SEPSECS: variants seen among roughly 807,000 people sequenced by gnomAD.
SEPSECS encodes the protein O-phosphoseryl-tRNA(Sec) selenium transferase.
A neutral mutation model predicts 52.1 loss-of-function variants in SEPSECS; 42 were observed. The ratio of observed to expected loss-of-function variants is 0.81; its 90% CI spans 0.63 to 1.04. The LOEUF is 1.04. Ranked by LOEUF, SEPSECS falls within the 50% of genes least tolerant of loss-of-function variation. The probability of loss-of-function intolerance (pLI) is 0.00; values close to 1 mark genes in which losing one functional copy is unlikely to be tolerated. For missense variants in SEPSECS, 590 were observed against 610.6 expected (o/e 0.97, Z 0.36); for synonymous variants, 216 against 211.4 (o/e 1.02, Z -0.19).
At chr4:25,129,668 C>T (rs549500409) in intron 8 of SEPSECS, among the ~76,000 whole-genome samples, 3 of 152,008 alleles carry the variant, frequency 2.0e-5, no homozygotes, top group South Asian at 4.2e-4. Flanking sequence ...TGGGATTACA[C>T]CTGGCCCTGG....
At chr4:25,148,507 A>C (rs982323217) in intron 6 of SEPSECS, among the ~76,000 whole-genome samples, 1 of 152,232 alleles carries the variant, frequency 6.6e-6, no homozygotes, top group Admixed American at 6.5e-5. Flanking sequence ...GCACTCAACA[A>C]GACTCAAGTA....
At chr4:25,157,706 G>A (rs1365743393) in intron 2 of SEPSECS, among the ~76,000 whole-genome samples, 4 of 151,796 alleles carry the variant, frequency 2.6e-5, no homozygotes, top group Non-Finnish European at 5.9e-5. Flanking sequence ...CACCACGCCC[G>A]GCTAATTTTT....
At chr4:25,159,882 T>C (rs1354732007) in intron 1 of SEPSECS, 1 of 1,131,254 alleles carries the variant, frequency 8.8e-7, no homozygotes, top group South Asian at 2.1e-5. Flanking sequence ...TAGCATACAG[T>C]CTACAAACAC....
chr4:25,136,870 T>C (rs1225088358), intron 8 of SEPSECS, among the ~76,000 whole-genome samples: 3 of 152,198 alleles, frequency 2.0e-5, no homozygotes, highest in Non-Finnish European at 4.4e-5. Context: ...AACAGACACA[T>C]AGGCCAACGA....
At chr4:25,133,985 T>C (rs1728722499) in intron 8 of SEPSECS, among the ~76,000 whole-genome samples, 1 of 150,514 alleles carries the variant, frequency 6.6e-6, no homozygotes, top group African/African-American at 2.4e-5. Flanking sequence ...TAGACTGGCA[T>C]GGCGGCATGC....
chr4:25,134,647 T>G (rs1010821683), intron 8 of SEPSECS, among the ~76,000 whole-genome samples: 29 of 152,162 alleles, frequency 1.9e-4, no homozygotes, highest in Admixed American at 1.9e-3. Context: ...TCAGTTTAAT[T>G]TGCTAATTAA....
chr4:25,129,223 G>A (rs1409516304), intron 8 of SEPSECS, among the ~76,000 whole-genome samples: 1 of 152,096 alleles, frequency 6.6e-6, no homozygotes, highest in Non-Finnish European at 1.5e-5. Context: ...TGCTACATGT[G>A]ATAAGCCTTT....
intron 6 of SEPSECS, among the ~76,000 whole-genome samples, chr4:25,150,877 C>A (rs537774977): frequency 6.6e-6 from 1 of 152,098 alleles, no homozygotes; most frequent in South Asian, 2.1e-4. Context: ...TGTGGTGGCA[C>A]ACACCTGTGG....
chr4:25,156,480 G>A (rs545934772), intron 3 of SEPSECS, among the ~76,000 whole-genome samples: 19 of 151,734 alleles, frequency 1.3e-4, no homozygotes, highest in South Asian at 1.2e-3. Flanking sequence ...CAAGGCGGGC[G>A]GATCACGAGG....
At chr4:25,159,411 T>C (rs1712906756) in intron 1 of SEPSECS, 1 of 368,136 alleles carries the variant, frequency 2.7e-6, no homozygotes, top group Non-Finnish European at 5.0e-6. Context: ...GTGAAGATGC[T>C]TCAAACCAGG....
intron 8 of SEPSECS, among the ~76,000 whole-genome samples, chr4:25,130,478 A>G (rs1257940349): frequency 6.6e-6 from 1 of 152,224 alleles, no homozygotes; most frequent in Non-Finnish European, 1.5e-5. Context: ...ACTGTAGGTA[A>G]TATTAGGATA....
intron 2 of SEPSECS, among the ~76,000 whole-genome samples, chr4:25,157,780 C>T (rs1033281769): frequency 6.7e-6 from 1 of 149,490 alleles, no homozygotes; most frequent in Non-Finnish European, 1.5e-5. Flanking sequence ...CTCCTGACCT[C>T]GTGATCCGCC....
chr4:25,134,811 A>G (rs1336039296), intron 8 of SEPSECS, among the ~76,000 whole-genome samples: 3 of 152,172 alleles, frequency 2.0e-5, no homozygotes, highest in African/African-American at 7.2e-5. Flanking sequence ...AGCATATAGA[A>G]ATCTTAAAAG....
chr4:25,123,966 C>T lies in SEPSECS; in HGVS notation c.1471G>A (p.Val491Ile). The change falls in exon 11 of 11, where the codon GTA becomes ATA. Residue 491 changes from valine to isoleucine, a missense_variant. By Grantham distance (29) the Val-to-Ile change is conservative (BLOSUM62 3). Coordinates refer to ENST00000382103, the MANE Select transcript of SEPSECS (RefSeq NM_016955.4). ...IEEMALKLDN[V>I]LLDTYQDASS ...GCATCCTGGTATGTGTCAAGAAGTA[C>T]ATTATCTAGTTTTAAAGCCATTTCT... is the stretch of plus-strand genomic sequence containing the variant. The T allele has an allele frequency of 6.2e-7, 1 of 1,613,544 alleles. No homozygotes were observed. Among genetic ancestry groups the T allele is most frequent in the Non-Finnish European group, 8.5e-7 (1 of 1,179,556 alleles).
At chr4:25,150,237 T>C (rs1245005870) in intron 6 of SEPSECS, among the ~76,000 whole-genome samples, 2 of 152,264 alleles carry the variant, frequency 1.3e-5, no homozygotes, top group Admixed American at 6.5e-5. Context: ...GAATAACTTA[T>C]GCCCACATAA....
At chr4:25,155,871 AAAGT>A (rs1167760843) in intron 4 of SEPSECS, among the ~76,000 whole-genome samples, 162 bp downstream of exon 4, 3 of 152,248 alleles carry the variant, frequency 2.0e-5, no homozygotes, top group Non-Finnish European at 2.9e-5. Context: ...AAAGTTGCAT[AAAGT>A]AATACAAACA....
chr4:25,137,355 A>G (rs1057202997), intron 8 of SEPSECS, among the ~76,000 whole-genome samples: 1 of 152,208 alleles, frequency 6.6e-6, no homozygotes, highest in Non-Finnish European at 1.5e-5. Context: ...ATGAACGTAA[A>G]CAAATTTACA....
At chr4:25,153,473 A>G (rs1227253981) in intron 5 of SEPSECS, among the ~76,000 whole-genome samples, 1 of 151,960 alleles carries the variant, frequency 6.6e-6, no homozygotes, top group Non-Finnish European at 1.5e-5. Context: ...GAGAAGCAGA[A>G]AAAATATTTT....
rs1436066852 is a variant in SEPSECS, at chr4:25,151,994, A to G, written c.770T>C (p.Val257Ala). The change falls in exon 6 of 11, where the codon GTG becomes GCG. Residue 257 changes from valine (V) to alanine (A), a missense_variant. By Grantham distance (64) the Val-to-Ala change is moderately conservative. Transcript: ENST00000382103. ...GAGATGCATACACTTTGAAGACTGC[A>G]CTCCATAAGCATTATTAACTATATG... ...IPHIVNNAYG[V>A]QSSKCMHLIQ... 1.2e-6 allele frequency: 2 copies of G among 1,600,180 alleles called. No homozygotes were observed. The highest frequency in any genetic ancestry group is 4.5e-5 in the East Asian group (2 of 44,646).
Sources: gnomAD v4.1 joint callset for allele counts (sites outside exome capture counted in the v4.1 genomes callset) on GRCh38, gnomAD v4.1.1 for gene constraint, MANE v1.5 for transcripts, NCBI Gene and HGNC (gene_info 2026-07-23, HGNC 2026-07-21) for gene names.